The following TENM3 variants were observed in gnomAD, a reference collection of about 807,000 sequenced individuals.
The protein encoded by TENM3 is teneurin transmembrane protein 3.
TENM3 carries 63 observed loss-of-function variants against 255.1 expected under a neutral mutation model. The observed-to-expected ratio is 0.25, with a 90% confidence interval of 0.20 to 0.30. The LOEUF (loss-of-function observed/expected upper bound fraction) is 0.30, where lower values mean the gene tolerates loss of function less well. Among genes scored for constraint, TENM3 ranks in the 10% least tolerant of loss-of-function variants. TENM3 has a pLI of 1.00. For synonymous variants in TENM3, 1,306 were observed against 1,322.3 expected, an observed-to-expected ratio of 0.99 and a Z score of 0.27; for missense variants, 2,929 against 3,461.1, an observed-to-expected ratio of 0.85 and a Z score of 3.86.
At chr4:182,169,625 T>C (rs1468504301) in intron 1 of TENM3, among the ~76,000 whole-genome samples, 1 of 152,150 alleles carries the variant, frequency 6.6e-6, no homozygotes, top group East Asian at 1.9e-4. Context: ...CTTGACCATT[T>C]TGTTTACCAA....
intron 3 of TENM3, among the ~76,000 whole-genome samples, chr4:182,463,395 A>G (rs1732244241): frequency 2.0e-5 from 3 of 151,990 alleles, no homozygotes; most frequent in Admixed American, 6.6e-5. Context: ...TTTACCTAGT[A>G]AGATCATTAG....
At chr4:181,452,950 T>C in the TENM3 span, among the ~76,000 whole-genome samples, 2 of 152,164 alleles carry the variant, frequency 1.3e-5, no homozygotes, top group Non-Finnish European at 2.9e-5. Context: ...ATGTTTGAAA[T>C]AATCATGGCA....
rs543727255 is a variant in TENM3 at position 182,576,220 on chromosome 4, T to A, written c.512-24704T>A. Among the ~76,000 whole-genome samples, 8 of 152,348 alleles carry A rather than the reference T, an allele frequency of 5.3e-5. 1 individual carries two copies. The South Asian group carries it at 1.7e-3, about 32-fold the overall frequency. ...AAGTTTCTTCCTCCTAGTATGTTTCTTTTTCCTTCTGCTTTGAGTGGCTTC... is the reference window on the plus strand; with the variant it reads ...AAGTTTCTTCCTCCTAGTATGTTTCATTTTCCTTCTGCTTTGAGTGGCTTC... On this transcript the variant is annotated intron_variant, in intron 3 of 27. Transcript: ENST00000511685.
chr4:182,075,585 TTC>T, the TENM3 span, among the ~76,000 whole-genome samples: 4 of 152,178 alleles, frequency 2.6e-5, no homozygotes, highest in Admixed American at 2.0e-4. Flanking sequence ...CTCCAACTTC[TTC>T]TGTCTTCTTC....
the TENM3 span, among the ~76,000 whole-genome samples, chr4:181,761,228 A>G: frequency 1.3e-5 from 2 of 152,078 alleles, no homozygotes; most frequent in African/African-American, 4.8e-5. Flanking sequence ...ACAGTGTATT[A>G]TCATTGTCAC....
At chr4:182,105,629 G>A in the TENM3 span, among the ~76,000 whole-genome samples, 1 of 152,180 alleles carries the variant, frequency 6.6e-6, no homozygotes, top group Non-Finnish European at 1.5e-5. Context: ...CCCTCCCATG[G>A]AGTTAGAGCA....
the TENM3 span, among the ~76,000 whole-genome samples, chr4:181,842,225 A>C: frequency 1.3e-5 from 2 of 152,202 alleles, no homozygotes; most frequent in African/African-American, 4.8e-5. Context: ...TCCTAAAAAG[A>C]AAAGCTGGGA....
chr4:182,431,709 T>C (rs1299577804), intron 3 of TENM3, among the ~76,000 whole-genome samples: 1 of 152,156 alleles, frequency 6.6e-6, no homozygotes, highest in African/African-American at 2.4e-5. Context: ...CATTTGACTT[T>C]GGATGTGTCG....
At chr4:182,123,792 G>T in the TENM3 span, among the ~76,000 whole-genome samples, 4 of 152,218 alleles carry the variant, frequency 2.6e-5, no homozygotes. Flanking sequence ...TCGACTCAGG[G>T]TTACCACAAA....
At chr4:181,684,331 A>G in the TENM3 span, among the ~76,000 whole-genome samples, 1 of 152,198 alleles carries the variant, frequency 6.6e-6, no homozygotes, top group Non-Finnish European at 1.5e-5. Context: ...AATGTGATCT[A>G]TGGACACCTC....
At chr4:182,596,345 A>G (rs1051041992) in intron 3 of TENM3, among the ~76,000 whole-genome samples, 1 of 152,200 alleles carries the variant, frequency 6.6e-6, no homozygotes, top group African/African-American at 2.4e-5. Flanking sequence ...ATAGAGCTCA[A>G]AGGTGAATCG....
the TENM3 span, among the ~76,000 whole-genome samples, chr4:181,846,351 A>T: frequency 6.6e-6 from 1 of 152,096 alleles, no homozygotes; most frequent in South Asian, 2.1e-4. Flanking sequence ...AGGAGAAAAA[A>T]CTTCTAGAAA....
At chr4:182,327,699 T>C (rs6845440) in intron 2 of TENM3, among the ~76,000 whole-genome samples, 70,985 of 152,058 alleles carry the variant, frequency 0.47, 17,048 homozygotes, top group Non-Finnish European at 0.52. Flanking sequence ...GATGGAAATG[T>C]TGCTCTTTGA....
At chr4:182,169,355 A>G (rs911409575) in intron 1 of TENM3, 6 of 471,256 alleles carry the variant, frequency 1.3e-5, no homozygotes, top group African/African-American at 8.0e-5. Context: ...TTCAACTCTA[A>G]TGGGAGAGAC....
chr4:181,465,292 A>C, the TENM3 span, among the ~76,000 whole-genome samples: 1 of 145,454 alleles, frequency 6.9e-6, no homozygotes, highest in Admixed American at 6.8e-5. Context: ...AAAAAAAAAA[A>C]ACTTGGTAGA....
intron 4 of TENM3, among the ~76,000 whole-genome samples, chr4:182,619,910 AGCC>A (rs1749936687): frequency 6.6e-6 from 1 of 152,232 alleles, no homozygotes; most frequent in South Asian, 2.1e-4. Flanking sequence ...GTTAAAAAGA[AGCC>A]GCCGCGGCTG....
the TENM3 span, among the ~76,000 whole-genome samples, chr4:182,088,069 C>T: frequency 6.6e-6 from 1 of 152,156 alleles, no homozygotes; most frequent in Non-Finnish European, 1.5e-5. Flanking sequence ...CTTCTTATCA[C>T]CTCCTAGTAA....
At chr4:182,555,512 A>G (rs2151949726) in intron 3 of TENM3, among the ~76,000 whole-genome samples, 1 of 152,266 alleles carries the variant, frequency 6.6e-6, no homozygotes. Context: ...TTGATTTGGG[A>G]CCTAAAGTAC....
the TENM3 span, among the ~76,000 whole-genome samples, chr4:181,819,825 G>A: frequency 6.6e-6 from 1 of 152,130 alleles, no homozygotes; most frequent in Non-Finnish European, 1.5e-5. Flanking sequence ...CTGATATGCA[G>A]CCCAGTAGGT....
Sources: gnomAD v4.1 joint callset for allele counts (sites outside exome capture counted in the v4.1 genomes callset) on GRCh38, gnomAD v4.1.1 for gene constraint, MANE v1.5 for transcripts, NCBI Gene and HGNC (gene_info 2026-07-23, HGNC 2026-07-21) for gene names.